Variants in PLD4 observed in about 807,000 individuals in gnomAD.
PLD4 encodes the protein phospholipase D family member 4.
A neutral mutation model predicts 52.3 loss-of-function variants in PLD4; 54 were observed. The ratio of observed to expected loss-of-function variants is 1.03; its 90% CI spans 0.83 to 1.30. The LOEUF (loss-of-function observed/expected upper bound fraction) is 1.30. Among genes scored for constraint, PLD4 ranks in the 50% most tolerant of loss-of-function variants. PLD4 has a pLI of 0.00. For missense variants in PLD4, 731 were observed against 671.1 expected, an observed-to-expected ratio of 1.09 and a Z score of -0.99; for synonymous variants, 264 against 286.5, an observed-to-expected ratio of 0.92 and a Z score of 0.79.
chr14:104,931,340 G>A (rs2140802477), intron 7 of PLD4, among the ~76,000 whole-genome samples: 1 of 152,248 alleles, frequency 6.6e-6, no homozygotes, highest in South Asian at 2.1e-4. Context: ...GGGGTGGGCA[G>A]ATCCTCCTTT....
downstream of PLD4, chr14:104,937,156 T>G (rs1390453614): frequency 6.6e-6 from 1 of 152,276 alleles, no homozygotes; most frequent in Non-Finnish European, 1.5e-5. Context: ...CCTCATTGAC[T>G]GTTCTCTAGA....
chr14:104,933,226 C>A lies in PLD4; in HGVS notation c.*262C>A. ...GCCCACAGGCCAGGCCTAAAAAAAA[C>A]TCGTGGCTTCCCGGTGCCTCTGTGT... On this transcript the variant is annotated 3_prime_UTR_variant, in exon 11 of 11. Transcript: ENST00000392593. 4.9e-6 allele frequency: 2 copies of A among 404,800 alleles called. No homozygotes were observed. The highest frequency in any genetic ancestry group is 8.8e-6 in the Non-Finnish European group (2 of 228,342). 25.1% of individuals were successfully genotyped at this position (404,800 alleles called of 1,614,324 possible).
intron 1 of PLD4, 97 bp from the exon 2 acceptor site, chr14:104,927,044 C>CTG: frequency 9.0e-7 from 1 of 1,107,000 alleles, no homozygotes; most frequent in South Asian, 2.5e-5. Flanking sequence ...ATGTGGGTGT[C>CTG]TGTGCAGGGG....
At position 104,927,868 on chromosome 14, in the gene PLD4, T is replaced by C. The variant is rs1897511462; in HGVS notation, c.284+2T>C. The C allele has an allele frequency of 1.3e-6, 2 of 1,566,148 alleles. No homozygotes were observed. Among genetic ancestry groups the C allele is most frequent in the Non-Finnish European group, 1.7e-6 (2 of 1,158,178 alleles). On this transcript the variant is annotated splice_donor_variant, in intron 3 of 10. Transcript: ENST00000392593. LOFTEE classifies it high-confidence loss of function. ...CAGGCAGCAGAGGGACTCCTGCCAGTAAGTGAGCCCATGGAGGCCTGCGGG... is the reference window on the plus strand; with the variant it reads ...CAGGCAGCAGAGGGACTCCTGCCAGCAAGTGAGCCCATGGAGGCCTGCGGG...
chr14:104,931,477 G>T (rs146039917), intron 7 of PLD4, among the ~76,000 whole-genome samples: 69 of 152,248 alleles, frequency 4.5e-4, no homozygotes, highest in African/African-American at 1.5e-3. Flanking sequence ...GAAGGGAGTG[G>T]ATAAACTTCC....
At chr14:104,931,049 C>T in intron 7 of PLD4, 107 bp downstream of exon 7, 2 of 1,319,656 alleles carry the variant, frequency 1.5e-6, no homozygotes, top group Non-Finnish European at 2.1e-6. Flanking sequence ...GCAGCATCAG[C>T]TGGGTCCTCA....
rs538312342 is a variant in PLD4, at chr14:104,932,493, C to T, written c.1321+138C>T. ...AGGGGGACGGGGTCTCCATGGAGTTCCGGGGACCAGGCCACCCGCCTGTCA... is the reference window on the plus strand; with the variant it reads ...AGGGGGACGGGGTCTCCATGGAGTTTCGGGGACCAGGCCACCCGCCTGTCA... On this transcript the variant is annotated intron_variant, in intron 10 of 10. Coordinates refer to ENST00000392593, the MANE Select transcript of PLD4 (RefSeq NM_138790.5). The surrounding 1 kb of genome is among the most constrained non-coding windows in gnomAD (Gnocchi z 6.5). The T allele has an allele frequency of 1.9e-6, 2 of 1,034,550 alleles. No homozygotes were observed. Among genetic ancestry groups the T allele is most frequent in the South Asian group, 1.6e-5 (1 of 62,722 alleles). 64.1% of individuals were successfully genotyped at this position (1,034,550 alleles called of 1,614,324 possible).
chr14:104,926,580 GC>G (rs1897462925), intron 1 of PLD4, among the ~76,000 whole-genome samples: 1 of 152,222 alleles, frequency 6.6e-6, no homozygotes, highest in South Asian at 2.1e-4. Context: ...CTGCTCAGCT[GC>G]CCCCTCTGAC....
chr14:104,930,794 T>G lies in PLD4; in HGVS notation c.770T>G (p.Leu257Arg). Residue 257 changes from leucine to arginine, a missense_variant, in exon 7 of 11, where the codon CTG becomes CGG. Coordinates refer to ENST00000392593, the MANE Select transcript of PLD4 (RefSeq NM_138790.5). ...AACTGCAGCCACCTGGCCCAAGACC[T>G]GGAGAAGACCTTCCAGACCTACTGG... ...IYNCSHLAQDLEKTFQTYWVL... is the reference protein window; with the variant it reads ...IYNCSHLAQDREKTFQTYWVL... The G allele has an allele frequency of 6.2e-7, 1 of 1,613,478 alleles. No homozygotes were observed. The highest frequency in any genetic ancestry group is 1.3e-5 in the African/African-American group (1 of 75,080).
rs1897408874 is a variant in PLD4, at chr14:104,924,976, G to T, written c.-15G>T. 1 of 152,646 alleles carries T rather than the reference G, an allele frequency of 6.6e-6. No individual in the cohort carries two copies. Among genetic ancestry groups the T allele is most frequent in the Non-Finnish European group, 1.5e-5 (1 of 68,398 alleles). 9.5% of individuals were successfully genotyped at this position (152,646 alleles called of 1,614,324 possible). On this transcript the variant is annotated 5_prime_UTR_variant, in exon 1 of 11. Coordinates refer to ENST00000392593, the MANE Select transcript of PLD4 (RefSeq NM_138790.5). The surrounding 1 kb of genome is among the most constrained non-coding windows in gnomAD (Gnocchi z 4.4). ...GGCTGGAATCAGGATAGACACCAAG[G>T]CAGGACCCCCAGAGGTATGTGCCAA...
rs1232950787 is a variant in PLD4 at position 104,928,360 on chromosome 14, C to T, written c.285-389C>T. Among the ~76,000 whole-genome samples, 5 of 152,300 alleles carry T rather than the reference C, an allele frequency of 3.3e-5. No homozygotes were observed. In the East Asian group the frequency reaches 7.7e-4, roughly 24 times the overall value. The stretch of plus-strand genomic sequence containing the variant: ...GCCACCACCAAGGGCTTCCACACCA[C>T]GAGGCCACCCCAGACCCCAGACTCC... On this transcript the variant is annotated intron_variant, in intron 3 of 10. Coordinates refer to ENST00000392593, the MANE Select transcript of PLD4 (RefSeq NM_138790.5).
chr14:104,929,843 G>C, intron 5 of PLD4, 135 bp from the exon 6 acceptor site: 1 of 1,054,968 alleles, frequency 9.5e-7, no homozygotes, highest in East Asian at 2.6e-5. Context: ...ATGGGGATGA[G>C]GATAGCAGCA....
intron 2 of PLD4, 41 bp downstream of exon 2, chr14:104,927,271 A>C: frequency 6.8e-7 from 1 of 1,472,324 alleles, no homozygotes; most frequent in South Asian, 1.3e-5. Flanking sequence ...GCTGGGATCA[A>C]TGGCCTTTCA....
In PLD4 at chr14:104,930,910, T is replaced by C. The variant is rs1261096045; in HGVS notation, c.886T>C (p.Phe296Leu). 24 of 1,613,338 alleles carry C rather than the reference T, an allele frequency of 1.5e-5. No homozygotes were observed. The highest frequency in any genetic ancestry group is 1.9e-5 in the Non-Finnish European group (23 of 1,180,022). Residue 296 changes from phenylalanine to leucine, a missense_variant, in exon 7 of 11, where the codon TTT (phenylalanine) becomes CTT (leucine). By Grantham distance (22) the Phe-to-Leu change is conservative (BLOSUM62 0). Transcript: ENST00000392593. ...CCGTTTCCAGCCCTTCCACGGCCTC[T>C]TTGATGGGGTGCCCACCACTGCCTA... ...FNRFQPFHGL[F>L]DGVPTTAYFS...
intron 1 of PLD4, 131 bp downstream of exon 1, chr14:104,925,121 G>A (rs114614444): frequency 0.012 from 1,791 of 152,476 alleles, 37 homozygotes; most frequent in African/African-American, 0.041. Context: ...AGCTAGTCCT[G>A]TAGATGACTC....
chr14:104,931,601 A>T, intron 7 of PLD4, 147 bp from the exon 8 acceptor site: 1 of 1,146,508 alleles, frequency 8.7e-7, no homozygotes. Context: ...ACCCCTGTTG[A>T]GCCGACCCCT....
At chr14:104,925,641 C>A (rs1346780039) in intron 1 of PLD4, among the ~76,000 whole-genome samples, 1 of 152,112 alleles carries the variant, frequency 6.6e-6, no homozygotes, top group Non-Finnish European at 1.5e-5. Flanking sequence ...CTCTCATTGA[C>A]CAGCCACAGC....
rs1222783856 is a variant in PLD4 at position 104,930,934 on chromosome 14, T to C, written c.910T>C (p.Tyr304His). 1.9e-6 allele frequency: 3 copies of C among 1,612,878 alleles called. No homozygotes were observed. Among genetic ancestry groups the C allele is most frequent in the Non-Finnish European group, 2.5e-6 (3 of 1,179,720 alleles). ...GLFDGVPTTA[Y>H]FSASPPALCP... ...CTTTGATGGGGTGCCCACCACTGCC[T>C]ACTTCTCAGTAAGACGGGTTGAGAA... Residue 304 changes from tyrosine to histidine, a missense_variant, in exon 7 of 11, where the codon TAC (tyrosine) becomes CAC (histidine). Physicochemically the swap from Tyr to His is moderately conservative, Grantham distance 83. Transcript: ENST00000392593.
rs768820051 is a variant in PLD4, at chr14:104,929,318, T to TCTGCAGAAG, written c.487_495dup (p.Lys163_Gln165dup). 16 of 1,582,318 alleles carry TCTGCAGAAG rather than the reference T, an allele frequency of 1.0e-5. No individual in the cohort carries two copies. The highest frequency in any genetic ancestry group is 2.3e-5 in the East Asian group (1 of 43,528). On this transcript the variant is annotated inframe_insertion, in exon 5 of 11. Transcript: ENST00000392593. ...GCCTGGCCTTGCAGGGAGAGGCTCT[T>TCTGCAGAAG]CTGCAGAAGCTGCAGCAGCTGCTGG...
Sources: allele counts gnomAD v4.1 joint callset (sites outside exome capture counted in the v4.1 genomes callset), GRCh38; gene constraint gnomAD v4.1.1; non-coding constraint Gnocchi (gnomAD v3.1); transcripts MANE v1.5; gene names NCBI Gene and HGNC (gene_info 2026-07-23, HGNC 2026-07-21).